The following IBTK variants were observed in gnomAD, a reference collection of about 807,000 sequenced individuals.
IBTK encodes the protein inhibitor of Bruton tyrosine kinase.
Under a neutral mutation model 154.9 loss-of-function variants are expected in IBTK, and 83 were observed. The ratio of observed to expected loss-of-function variants is 0.54; its 90% CI spans 0.45 to 0.64. The LOEUF is 0.64. IBTK is among the 30% of genes least tolerant of loss of function. The pLI is 0.00. For missense variants in IBTK, 1,332 were observed against 1,584.6 expected (o/e 0.84, Z 2.71); for synonymous variants, 515 against 536.1 (o/e 0.96, Z 0.54).
intron 4 of IBTK, among the ~76,000 whole-genome samples, chr6:82,230,511 C>T (rs2127823963): frequency 6.6e-6 from 1 of 152,146 alleles, no homozygotes; most frequent in Admixed American, 6.5e-5. Flanking sequence ...ACACTGTTGT[C>T]ACTGTCCAAA....
intron 26 of IBTK, among the ~76,000 whole-genome samples, chr6:82,176,285 A>T (rs763441242): frequency 1.3e-5 from 2 of 151,916 alleles, no homozygotes; most frequent in African/African-American, 2.4e-5. Context: ...GCACTTTGGG[A>T]GGCTGTGGGC....
At chr6:82,216,343 A>T (rs1296741318) in intron 10 of IBTK, 93 bp from the exon 11 acceptor site, 1 of 796,704 alleles carries the variant, frequency 1.3e-6, no homozygotes, top group South Asian at 1.9e-5. Context: ...GAGTTAGAAA[A>T]ATATGGAAAT....
At chr6:82,201,339 C>A in intron 19 of IBTK, 83 bp downstream of exon 19, 1 of 889,958 alleles carries the variant, frequency 1.1e-6, no homozygotes, top group Non-Finnish European at 1.7e-6. Context: ...CATTAGGAAA[C>A]TATTCCATTA....
Position 82,201,439 on chromosome 6 carries a change from C to G in IBTK, c.2773G>C (p.Glu925Gln). 6.2e-7 allele frequency: 1 copy of G among 1,608,596 alleles called. No individual in the cohort carries two copies. The highest frequency in any genetic ancestry group is 8.5e-7 in the Non-Finnish European group (1 of 1,177,278). The stretch of plus-strand genomic sequence containing the variant: ...AACCTTACCATTTTCCGGTAAAACT[C>G]AGAAAGATCCTTCAAAACACCATCG... ...LSDGVLKDLS[E>Q]FYRKMIPAMD... is the part of the protein sequence containing the mutation. Residue 925 changes from glutamate (E) to glutamine (Q), a missense_variant, in exon 19 of 29, where the codon GAG becomes CAG. Coordinates refer to ENST00000306270, the MANE Select transcript of IBTK (RefSeq NM_015525.4).
At chr6:82,192,380 G>T (rs1768799330) in intron 23 of IBTK, among the ~76,000 whole-genome samples, 1 of 151,954 alleles carries the variant, frequency 6.6e-6, no homozygotes, top group African/African-American at 2.4e-5. Flanking sequence ...AAAAACTTGG[G>T]GATACTAAAT....
rs751185803 is a variant in IBTK at position 82,200,263 on chromosome 6, A to G, written c.2913-10T>C. On this transcript the variant is annotated splice_polypyrimidine_tract_variant and intron_variant, in intron 20 of 28. Transcript: ENST00000306270. ...CTTGAACATAGTTTCCCTAGGAAAA[A>G]GCAAACATAATTTCAGCAGTGTTTA... is the stretch of plus-strand genomic sequence containing the variant. The G allele has an allele frequency of 6.3e-7, 1 of 1,586,322 alleles. No homozygotes were observed. Among genetic ancestry groups the G allele is most frequent in the Admixed American group, 1.7e-5 (1 of 59,716 alleles).
chr6:82,178,363 C>CTTT (rs571359349), intron 26 of IBTK, among the ~76,000 whole-genome samples: 9 of 151,778 alleles, frequency 5.9e-5, no homozygotes, highest in African/African-American at 2.2e-4. Flanking sequence ...TATCTAAAGA[C>CTTT]TTTTTTTTAA....
At chr6:82,209,891 C>A (rs1582220611) in intron 16 of IBTK, among the ~76,000 whole-genome samples, 2 of 152,126 alleles carry the variant, frequency 1.3e-5, no homozygotes, top group Non-Finnish European at 2.9e-5. Context: ...CTTAAAAATG[C>A]ATCTGCTTTT....
At chr6:82,197,906 A>T (rs1769060042) in intron 21 of IBTK, among the ~76,000 whole-genome samples, 1 of 152,138 alleles carries the variant, frequency 6.6e-6, no homozygotes, top group South Asian at 2.1e-4. Context: ...CTCATACTCA[A>T]ATTTTCTTCC....
intron 21 of IBTK, among the ~76,000 whole-genome samples, chr6:82,199,333 G>A (rs1034582694): frequency 6.6e-6 from 1 of 152,036 alleles, no homozygotes; most frequent in Non-Finnish European, 1.5e-5. Flanking sequence ...GTGATGAGAA[G>A]TTAACAATAA....
rs776329788 is a variant in IBTK, at chr6:82,194,661, T to TA, written c.3175-20dup. 1.9e-6 allele frequency: 3 copies of TA among 1,540,544 alleles called. No homozygotes were observed. Among genetic ancestry groups the TA allele is most frequent in the African/African-American group, 1.4e-5 (1 of 71,494 alleles). On this transcript the variant is annotated intron_variant, in intron 22 of 28. Transcript: ENST00000306270. ...CTTTCGCCTGGGGAGAGAAAAAAAA[T>TA]AAAAAAAGTTAACAGGCACCTAGAA...
chr6:82,184,244 GAGA>G (rs1479257213), intron 25 of IBTK, among the ~76,000 whole-genome samples: 2 of 152,144 alleles, frequency 1.3e-5, no homozygotes, highest in Non-Finnish European at 2.9e-5. Flanking sequence ...AAAATTTATG[GAGA>G]AGAATTTTAG....
chr6:82,229,537 T>C (rs917593800), intron 4 of IBTK, among the ~76,000 whole-genome samples: 2 of 152,088 alleles, frequency 1.3e-5, no homozygotes, highest in African/African-American at 2.4e-5. Context: ...CTGCTAATGG[T>C]TGGATTATCA....
intron 8 of IBTK, among the ~76,000 whole-genome samples, chr6:82,222,151 C>G: frequency 7.5e-6 from 1 of 133,720 alleles, no homozygotes; most frequent in African/African-American, 2.9e-5. Flanking sequence ...GCCTGGGCAA[C>G]AGAGCAAGAC....
chr6:82,190,343 T>G (rs1768716326), intron 25 of IBTK, among the ~76,000 whole-genome samples: 1 of 142,720 alleles, frequency 7.0e-6, no homozygotes. Flanking sequence ...TCCTCCCCAG[T>G]CCTTGTGAGA....
chr6:82,242,308 G>A (rs1218882956), intron 1 of IBTK, among the ~76,000 whole-genome samples: 1 of 151,820 alleles, frequency 6.6e-6, no homozygotes, highest in Non-Finnish European at 1.5e-5. Flanking sequence ...GGCAGAGTTT[G>A]TGGTGAACCA....
intron 6 of IBTK, among the ~76,000 whole-genome samples, chr6:82,224,823 C>T (rs1230606035): frequency 3.9e-5 from 6 of 152,106 alleles, no homozygotes; most frequent in Non-Finnish European, 7.4e-5. Flanking sequence ...CATATTTTTT[C>T]TTATGGAGGG....
At position 82,186,787 on chromosome 6, in the gene IBTK, A is replaced by G. The variant is rs531776449; in HGVS notation, c.3575+4286T>C. Among the ~76,000 whole-genome samples the G allele has an allele frequency of 1.7e-4, 26 of 152,280 alleles. No individual in the cohort carries two copies. The South Asian group carries it at 5.4e-3, about 32-fold the overall frequency. On this transcript the variant is annotated intron_variant, in intron 25 of 28. Transcript: ENST00000306270. ...AAATTATCTATAATTGGTCAGTTAG[A>G]TAAATTTTCTTAGTGTACTAAGATA...
intron 4 of IBTK, among the ~76,000 whole-genome samples, chr6:82,228,714 C>G (rs191793441): frequency 6.6e-6 from 1 of 151,914 alleles, no homozygotes; most frequent in East Asian, 1.9e-4. Context: ...CTCTGCCTCC[C>G]GGGTTCACGC....
Sources: allele counts gnomAD v4.1 joint callset (sites outside exome capture counted in the v4.1 genomes callset), GRCh38; gene constraint gnomAD v4.1.1; transcripts MANE v1.5; gene names NCBI Gene and HGNC (gene_info 2026-07-23, HGNC 2026-07-21).